PRR33: variants seen among roughly 807,000 people sequenced by gnomAD.
PRR33 encodes the protein proline rich 33, also known as proline-rich protein 33.
A neutral mutation model predicts 0.5 loss-of-function variants in PRR33; 1 was observed. That is an observed-to-expected ratio of 2.18 (90% CI 0.77 to 10.34). PRR33 has a LOEUF of 10.34. Ranked by LOEUF, PRR33 falls within the 30% of genes most tolerant of loss-of-function variation. PRR33 has a pLI of 0.13. For missense variants in PRR33, 552 were observed against 251.8 expected, an observed-to-expected ratio of 2.19 and a Z score of -8.07; for synonymous variants, 226 against 110.0, an observed-to-expected ratio of 2.06 and a Z score of -6.60.
At chr11:1,912,791 G>A in the PRR33 span, among the ~76,000 whole-genome samples, 1 of 151,812 alleles carries the variant, frequency 6.6e-6, no homozygotes, top group Non-Finnish European at 1.5e-5. Context: ...ATTTTTTGTA[G>A]AGATAGGTTT....
Position 1,890,609 on chromosome 11 carries a change from C to G in PRR33, c.-25G>C, listed in dbSNP as rs1487265371. ...TGACTGTGTCCTAGGGTGGGAGGGACAGTGGTCAGGCCAGCCCTCCTCCCT... is the reference window on the plus strand; with the variant it reads ...TGACTGTGTCCTAGGGTGGGAGGGAGAGTGGTCAGGCCAGCCCTCCTCCCT... On this transcript the variant is annotated 5_prime_UTR_variant, in exon 1 of 1. Coordinates refer to ENST00000640310, the Ensembl canonical transcript of PRR33. 5.7e-6 allele frequency: 4 copies of G among 696,850 alleles called. No homozygotes were observed. In the Admixed American group the frequency reaches 6.0e-5, roughly 10 times the overall value. 43.2% of individuals were successfully genotyped at this position (696,850 alleles called of 1,614,324 possible). A position where few individuals can be genotyped will look rare whatever the true frequency, so the allele number is the denominator to read the frequency against.
At chr11:1,904,346 C>T in the PRR33 span, among the ~76,000 whole-genome samples, 2 of 151,776 alleles carry the variant, frequency 1.3e-5, no homozygotes, top group Admixed American at 6.6e-5. Flanking sequence ...CTGGGCAACA[C>T]GGTGAAACCC....
chr11:1,890,137 C>T (rs2133144181), exon 1 of PRR33: 1 of 717,070 alleles, frequency 1.4e-6, no homozygotes, highest in Non-Finnish European at 2.6e-6. Context: ...ACCTGGGGCC[C>T]CATGGCCCTG....
At chr11:1,897,837 AC>A in the PRR33 span, among the ~76,000 whole-genome samples, 1 of 151,944 alleles carries the variant, frequency 6.6e-6, no homozygotes, top group African/African-American at 2.4e-5. The surrounding 1 kb of genome is among the most constrained non-coding windows in gnomAD (Gnocchi z 4.0). Flanking sequence ...AACATTTAAA[AC>A]TCCGGAGAGA....
the PRR33 span, among the ~76,000 whole-genome samples, chr11:1,905,386 C>G: frequency 1.3e-5 from 2 of 151,226 alleles, no homozygotes; most frequent in Non-Finnish European, 1.5e-5. Flanking sequence ...CTCAGGCTCC[C>G]AAAGTGCTGG....
chr11:1,908,784 T>C, the PRR33 span, among the ~76,000 whole-genome samples: 1 of 152,228 alleles, frequency 6.6e-6, no homozygotes, highest in South Asian at 2.1e-4. Context: ...CTCACATCAT[T>C]GGCATTGTCC....
chr11:1,890,737 G>A, exon 1 of PRR33: 4 of 603,430 alleles, frequency 6.6e-6, no homozygotes, highest in South Asian at 2.0e-5. Context: ...AACCTGCCAG[G>A]GACATGCTGA....
the PRR33 span, among the ~76,000 whole-genome samples, chr11:1,905,708 G>T: frequency 0.021 from 3,145 of 151,362 alleles, 172 homozygotes; most frequent in East Asian, 0.24. Flanking sequence ...ACCACCTTGG[G>T]CTCCCAAGGT....
chr11:1,890,777 G>C lies in PRR33; in HGVS notation c.-193C>G, dbSNP rs962886095. Reference sequence around the variant, plus strand: ...GACTGTGCCTTGGGGACTTTGGGGTGGCCCCACCATCACCCTAGTGTAGAA... The same window carrying C: ...GACTGTGCCTTGGGGACTTTGGGGTCGCCCCACCATCACCCTAGTGTAGAA... On this transcript the variant is annotated 5_prime_UTR_variant, in exon 1 of 1. Coordinates refer to ENST00000640310, the Ensembl canonical transcript of PRR33. 5.0e-6 allele frequency: 3 copies of C among 596,812 alleles called. No homozygotes were observed. The African/African-American group carries it at 5.6e-5, about 11-fold the overall frequency. The allele number at this position is 596,812 out of a possible 1,614,324, so 37.0% of individuals were successfully genotyped here. A position where few individuals can be genotyped will look rare whatever the true frequency, so the allele number is the denominator to read the frequency against.
chr11:1,908,771 C>T, the PRR33 span, among the ~76,000 whole-genome samples: 5 of 152,148 alleles, frequency 3.3e-5, no homozygotes, highest in Non-Finnish European at 5.9e-5. Flanking sequence ...GTCTCATTTC[C>T]GCCTCACATC....
chr11:1,893,547 G>C (rs950084895), upstream of PRR33, among the ~76,000 whole-genome samples: 1 of 150,506 alleles, frequency 6.6e-6, no homozygotes, highest in Non-Finnish European at 1.5e-5. Context: ...ATGGATGAAG[G>C]GATGGCTGGA....
chr11:1,910,394 C>T, the PRR33 span, among the ~76,000 whole-genome samples: 1 of 152,112 alleles, frequency 6.6e-6, no homozygotes, highest in East Asian at 1.9e-4. Flanking sequence ...GGATTACAGG[C>T]ACCCGCCACC....
chr11:1,898,769 G>A, the PRR33 span, among the ~76,000 whole-genome samples: 6 of 152,054 alleles, frequency 3.9e-5, no homozygotes, highest in Middle Eastern at 3.2e-3. Context: ...ACTTTGGGAG[G>A]CCGAGGTGGG....
At chr11:1,907,945 T>A in the PRR33 span, 1 of 152,186 alleles carries the variant, frequency 6.6e-6, no homozygotes, top group South Asian at 2.1e-4. Context: ...TATTGTGGAA[T>A]GAGGATCCGT....
the PRR33 span, among the ~76,000 whole-genome samples, chr11:1,916,868 C>T: frequency 2.6e-5 from 4 of 152,206 alleles, no homozygotes; most frequent in African/African-American, 9.7e-5. Flanking sequence ...ATGCCCAATG[C>T]GGAGGTCAGG....
At chr11:1,896,118 A>G (rs1053829550), upstream of PRR33, among the ~76,000 whole-genome samples, 9 of 152,224 alleles carry the variant, frequency 5.9e-5, no homozygotes, top group Non-Finnish European at 7.4e-5. Flanking sequence ...CACTGGTCTT[A>G]TATGAATTCT....
chr11:1,899,500 GAGCCTTT>G, the PRR33 span, among the ~76,000 whole-genome samples: 4 of 152,164 alleles, frequency 2.6e-5, no homozygotes, highest in Non-Finnish European at 5.9e-5. Context: ...TAAGGCCTAG[GAGCCTTT>G]AGCCATATCG....
the PRR33 span, among the ~76,000 whole-genome samples, chr11:1,912,385 T>C: frequency 6.6e-6 from 1 of 152,144 alleles, no homozygotes; most frequent in South Asian, 2.1e-4. Context: ...TTTGAGTCAA[T>C]TCCATGTTCT....
chr11:1,898,102 C>T, the PRR33 span, among the ~76,000 whole-genome samples: 1 of 152,222 alleles, frequency 6.6e-6, no homozygotes, highest in African/African-American at 2.4e-5. Context: ...ACGGCACAGA[C>T]GCTCCTCTGT....
Sources: allele counts gnomAD v4.1 joint callset (sites outside exome capture counted in the v4.1 genomes callset), GRCh38; gene constraint gnomAD v4.1.1; non-coding constraint Gnocchi (gnomAD v3.1); transcripts MANE v1.5; gene names NCBI Gene and HGNC (gene_info 2026-07-23, HGNC 2026-07-21).